NCOA6: variants seen among roughly 807,000 people sequenced by gnomAD.
NCOA6 encodes nuclear receptor coactivator 6.
NCOA6 carries 49 observed loss-of-function variants against 171.4 expected under a neutral mutation model. The ratio of observed to expected loss-of-function variants is 0.29; its 90% confidence interval spans 0.23 to 0.36. The LOEUF is 0.36. Ranked by LOEUF, NCOA6 falls within the 10% of genes least tolerant of loss-of-function variation. NCOA6 has a pLI of 1.00. For synonymous variants in NCOA6, 910 were observed against 927.5 expected, an observed-to-expected ratio of 0.98 and a Z score of 0.34; for missense variants, 2,248 against 2,554.5, an observed-to-expected ratio of 0.88 and a Z score of 2.59.
At chr20:34,807,301 C>T (rs1204558866) in intron 1 of NCOA6, among the ~76,000 whole-genome samples, 5 of 152,108 alleles carry the variant, frequency 3.3e-5, no homozygotes, top group East Asian at 1.9e-4. Context: ...CCCAGCCAAG[C>T]GCTAAGATGA....
At chr20:34,805,895 C>T (rs546705605) in intron 1 of NCOA6, among the ~76,000 whole-genome samples, 1 of 152,202 alleles carries the variant, frequency 6.6e-6, no homozygotes, top group East Asian at 1.9e-4. Context: ...ACCATAGTAG[C>T]CTGGCTAGTC....
intron 14 of NCOA6, among the ~76,000 whole-genome samples, chr20:34,719,548 T>G (rs1241676450): frequency 1.3e-5 from 2 of 151,902 alleles, no homozygotes; most frequent in African/African-American, 4.8e-5. Flanking sequence ...GGAGAATCAC[T>G]TGAACCCAGG....
chr20:34,746,701 T>C (rs2145650727), intron 10 of NCOA6, 106 bp downstream of exon 10: 1 of 1,263,714 alleles, frequency 7.9e-7, no homozygotes, highest in Non-Finnish European at 1.1e-6. Context: ...TGAAGTAGAC[T>C]AGTTAGCAGA....
chr20:34,750,522 TAA>T lies in NCOA6; in HGVS notation c.1676-5_1676-4del, dbSNP rs560155280. 290 of 1,308,406 alleles carry T rather than the reference TAA, an allele frequency of 2.2e-4. No homozygotes were observed. Among genetic ancestry groups the T allele is most frequent in the South Asian group, 8.3e-4 (56 of 67,526 alleles). The allele number at this position is 1,308,406 out of a possible 1,614,324, so 81.0% of individuals were successfully genotyped here. A position where few individuals can be genotyped will look rare whatever the true frequency, so the allele number is the denominator to read the frequency against. Reference sequence around the variant, plus strand: ...AGGAGGACCAGCTCCTTGACCACCTTAAAAAAAAAAAAAGTCACAGTTTCAGA... The same window carrying T: ...AGGAGGACCAGCTCCTTGACCACCTTAAAAAAAAAAAGTCACAGTTTCAGA... On this transcript the variant is annotated splice_polypyrimidine_tract_variant and splice_region_variant and intron_variant, in intron 8 of 14. Coordinates refer to ENST00000359003, the MANE Select transcript of NCOA6 (RefSeq NM_014071.5).
At chr20:34,724,416 G>A (rs767864418) in intron 14 of NCOA6, among the ~76,000 whole-genome samples, 4 of 152,164 alleles carry the variant, frequency 2.6e-5, no homozygotes, top group South Asian at 2.1e-4. Flanking sequence ...CCTCAGATCC[G>A]TGTCTAGTGT....
intron 1 of NCOA6, among the ~76,000 whole-genome samples, chr20:34,825,247 G>A (rs1245674294): frequency 1.3e-5 from 2 of 151,318 alleles, no homozygotes; most frequent in Non-Finnish European, 3.0e-5. Flanking sequence ...CAGCGCCCCC[G>A]CCCGCAGGCC....
intron 3 of NCOA6, 95 bp from the exon 4 acceptor site, chr20:34,776,543 T>G (rs1053922640): frequency 7.2e-7 from 1 of 1,384,446 alleles, no homozygotes; most frequent in South Asian, 1.2e-5. Context: ...AAGAATAAGG[T>G]GGAGCACCAG....
chr20:34,757,993 A>G lies in NCOA6; in HGVS notation c.755T>C (p.Met252Thr). The G allele has an allele frequency of 5.0e-6, 8 of 1,613,774 alleles. No individual in the cohort carries two copies. The highest frequency in any genetic ancestry group is 5.9e-6 in the Non-Finnish European group (7 of 1,179,946). ...CAGCTGGGGAAAATTAGCTGGGTTC[A>G]TTTGTCTGTTCACAGAGACAGGCTG... ...PMQPVSVNRQ[M>T]NPANFPQLQQ... The change falls in exon 7 of 15, where the codon ATG (methionine) becomes ACG (threonine). Residue 252 changes from methionine (M) to threonine (T), a missense_variant. This residue lies in a region of NCOA6 where 987 missense variants were observed against 1,104.7 expected (regional missense o/e 0.89). Transcript: ENST00000359003.
chr20:34,804,506 CAAAA>C (rs11482821), intron 1 of NCOA6, among the ~76,000 whole-genome samples: 3 of 113,838 alleles, frequency 2.6e-5, no homozygotes, highest in African/African-American at 3.3e-5. Context: ...GACCCTGTCT[CAAAA>C]AAAAAAAAAA....
chr20:34,801,735 C>T (rs1382795629), intron 1 of NCOA6, among the ~76,000 whole-genome samples: 2 of 152,066 alleles, frequency 1.3e-5, no homozygotes, highest in African/African-American at 4.8e-5. Context: ...CATGGTGGCA[C>T]GTGCCTACAG....
chr20:34,737,961 G>C (rs958703197), intron 11 of NCOA6, among the ~76,000 whole-genome samples: 1 of 152,148 alleles, frequency 6.6e-6, no homozygotes, highest in South Asian at 2.1e-4. Context: ...TGCAATGGCA[G>C]GATCTCGGTT....
Position 34,743,178 on chromosome 20 carries a change from C to T in NCOA6, c.3078G>A (p.Gln1026=). ...TCATCATTTGTTGCTGCTGCTGCTG[C>T]TGCTGCTGAGACTGTGGCTGACTGG... ...PPPSQPQSQQ[Q]QQQQQQMMMM... The change falls in exon 11 of 15, where the codon CAG becomes CAA. Residue 1026 remains glutamine, a synonymous_variant. Transcript: ENST00000359003. 1.9e-6 allele frequency: 3 copies of T among 1,613,864 alleles called. No homozygotes were observed. The highest frequency in any genetic ancestry group is 2.5e-6 in the Non-Finnish European group (3 of 1,179,846).
intron 5 of NCOA6, among the ~76,000 whole-genome samples, chr20:34,765,368 G>A (rs1007540192): frequency 1.3e-5 from 2 of 148,932 alleles, no homozygotes; most frequent in East Asian, 4.0e-4. Flanking sequence ...CTGGGAGGCA[G>A]AGCTTGCAGT....
intron 1 of NCOA6, among the ~76,000 whole-genome samples, chr20:34,794,806 T>G (rs2078011371): frequency 6.6e-6 from 1 of 152,164 alleles, no homozygotes; most frequent in Non-Finnish European, 1.5e-5. Flanking sequence ...GGAGCCAGTT[T>G]TAAGGGTTTT....
rs2076673927 is a variant in NCOA6 at position 34,757,437 on chromosome 20, C to T, written c.1311G>A (p.Gln437=). The part of the protein sequence containing the change: ...SPASSPSSFQ[Q]GSPASSPTVN... ...CCGTTGGGGAGGATGCAGGGGATCC[C>T]TGCTGGAAGGAGGAGGGTGAGGAGG... is the stretch of plus-strand genomic sequence containing the variant. The change falls in exon 7 of 15, where the codon CAG becomes CAA. Residue 437 remains glutamine (Q), a synonymous_variant. Transcript: ENST00000359003. The T allele has an allele frequency of 6.2e-7, 1 of 1,613,658 alleles. No individual in the cohort carries two copies. The highest frequency in any genetic ancestry group is 8.5e-7 in the Non-Finnish European group (1 of 1,179,734).
At chr20:34,776,716 G>T in intron 3 of NCOA6, 1 of 563,082 alleles carries the variant, frequency 1.8e-6, no homozygotes, top group East Asian at 4.1e-5. Context: ...TATGATTTTT[G>T]GGTACAAATT....
intron 13 of NCOA6, among the ~76,000 whole-genome samples, chr20:34,729,534 CAACAAAACAAAACAAAACAA>C (rs11470877): frequency 1.3e-5 from 2 of 150,072 alleles, no homozygotes; most frequent in East Asian, 2.0e-4. Context: ...AAAAATAATG[CAACAAAACAAAACAAAACAA>C]AACAAAACAA....
At chr20:34,807,395 A>G (rs2078489548) in intron 1 of NCOA6, among the ~76,000 whole-genome samples, 1 of 152,198 alleles carries the variant, frequency 6.6e-6, no homozygotes, top group Non-Finnish European at 1.5e-5. Flanking sequence ...CCGATTCCTG[A>G]CCCATGGAAA....
intron 1 of NCOA6, among the ~76,000 whole-genome samples, chr20:34,795,496 T>C (rs560101273): frequency 1.3e-5 from 2 of 152,278 alleles, no homozygotes; most frequent in East Asian, 1.9e-4. Context: ...ATTCAAGAGA[T>C]AGAGCAACAA....
Sources: gnomAD v4.1 joint callset for allele counts (sites outside exome capture counted in the v4.1 genomes callset) on GRCh38, gnomAD v4.1.1 for gene constraint, gnomAD v4.1.1 regional missense constraint, MANE v1.5 for transcripts, NCBI Gene and HGNC (gene_info 2026-07-23, HGNC 2026-07-21) for gene names.